The following ZFAT variants were observed in gnomAD, a reference collection of about 807,000 sequenced individuals.
The protein encoded by ZFAT is zinc finger protein ZFAT.
Under a neutral mutation model 117.7 loss-of-function variants are expected in ZFAT, and 64 were observed. That is an observed-to-expected ratio of 0.54 (90% CI 0.44 to 0.67). The LOEUF is 0.67. Among genes scored for constraint, ZFAT ranks in the 30% least tolerant of loss-of-function variants. The probability of loss-of-function intolerance (pLI) is 0.00; values close to 1 mark genes in which losing one functional copy is unlikely to be tolerated. For synonymous variants in ZFAT, 679 were observed against 615.0 expected (o/e 1.10, Z -1.54); for missense variants, 1,433 against 1,584.5 (o/e 0.90, Z 1.62).
At chr8:134,793,291 C>G in the ZFAT span, 37 of 152,298 alleles carry the variant, frequency 2.4e-4, no homozygotes, top group East Asian at 4.8e-3. Context: ...TTTAGCACTA[C>G]TGAGTACAAG....
At chr8:134,804,550 A>AT in the ZFAT span, among the ~76,000 whole-genome samples, 11 of 152,220 alleles carry the variant, frequency 7.2e-5, no homozygotes, top group African/African-American at 1.9e-4. Flanking sequence ...AGTCTCCTGA[A>AT]TTGTTGGGAT....
chr8:134,690,497 C>T (rs1833537156), intron 1 of ZFAT, among the ~76,000 whole-genome samples: 1 of 152,168 alleles, frequency 6.6e-6, no homozygotes, highest in Admixed American at 6.5e-5. Flanking sequence ...CAAATGTCCG[C>T]TTTATGAAAG....
At chr8:134,661,430 G>A (rs1357741822) in intron 1 of ZFAT, among the ~76,000 whole-genome samples, 1 of 152,226 alleles carries the variant, frequency 6.6e-6, no homozygotes, top group African/African-American at 2.4e-5. Flanking sequence ...GAGGCCCCAC[G>A]TGCCTGAGCT....
At chr8:134,753,750 T>C in the ZFAT span, among the ~76,000 whole-genome samples, 6 of 152,208 alleles carry the variant, frequency 3.9e-5, no homozygotes, top group East Asian at 3.8e-4. Flanking sequence ...TATTAAATTA[T>C]AGCTATATAA....
At position 134,602,905 on chromosome 8, in the gene ZFAT, T is replaced by A. The variant is rs975323522; in HGVS notation, c.814A>T (p.Thr272Ser). ...AAGACCTTGTTGCAGTATTCACAAGTGAAGATTTTGAGCTGAGTGGGACCT... is the reference window on the plus strand; with the variant it reads ...AAGACCTTGTTGCAGTATTCACAAGAGAAGATTTTGAGCTGAGTGGGACCT... ...RLGPTQLKIF[T>S]CEYCNKVFKF... The change falls in exon 6 of 16, where the codon ACT becomes TCT. Residue 272 changes from threonine to serine, a missense_variant. Transcript: ENST00000377838. 1 of 1,612,184 alleles carries A rather than the reference T, an allele frequency of 6.2e-7. No homozygotes were observed. Among genetic ancestry groups the A allele is most frequent in the East Asian group, 2.2e-5 (1 of 44,868 alleles).
chr8:134,495,727 C>T (rs1049152711), intron 15 of ZFAT, among the ~76,000 whole-genome samples: 1 of 152,156 alleles, frequency 6.6e-6, no homozygotes, highest in Non-Finnish European at 1.5e-5. Context: ...CCCAGTAGCT[C>T]GAGACCAGCC....
chr8:134,513,476 C>A lies in ZFAT; in HGVS notation c.3235-875G>T, dbSNP rs1339728159. Reference sequence around the variant, plus strand: ...GTGTGAGCCACCACGCTCGGCTGTGCCATTCTTATTCGAACATGAAAGTGT... The same window carrying A: ...GTGTGAGCCACCACGCTCGGCTGTGACATTCTTATTCGAACATGAAAGTGT... On this transcript the variant is annotated intron_variant, in intron 13 of 15. Transcript: ENST00000377838. Among the ~76,000 whole-genome samples, 5 of 152,150 alleles carry A rather than the reference C, an allele frequency of 3.3e-5. No individual in the cohort carries two copies. In the South Asian group the frequency reaches 6.2e-4, roughly 19 times the overall value.
the ZFAT span, among the ~76,000 whole-genome samples, chr8:134,814,277 C>G: frequency 6.6e-6 from 1 of 152,080 alleles, no homozygotes; most frequent in Non-Finnish European, 1.5e-5. Context: ...GTAAAAGGAG[C>G]CAAAATTAAC....
Position 134,544,558 on chromosome 8 carries a change from C to T in ZFAT, c.2977-11586G>A, listed in dbSNP as rs538153904. On this transcript the variant is annotated intron_variant, in intron 11 of 15. Coordinates refer to ENST00000377838, the MANE Select transcript of ZFAT (RefSeq NM_020863.4). ...CTAACATATAACCAAAAATGACCCACACTTAAAAGAGATAAAGAATTCCTG... is the reference window on the plus strand; with the variant it reads ...CTAACATATAACCAAAAATGACCCATACTTAAAAGAGATAAAGAATTCCTG... Among the ~76,000 whole-genome samples, 15 of 151,946 alleles carry T rather than the reference C, an allele frequency of 9.9e-5. No homozygotes were observed. The South Asian group carries it at 3.1e-3, about 32-fold the overall frequency.
At chr8:134,631,710 G>A (rs1829904941) in intron 3 of ZFAT, among the ~76,000 whole-genome samples, 1 of 152,174 alleles carries the variant, frequency 6.6e-6, no homozygotes, top group Admixed American at 6.5e-5. Context: ...CTGCCTCCTG[G>A]TGGTGAGCAC....
rs140652594 is a variant in ZFAT at position 134,647,776 on chromosome 8, A to T, written c.196+9785T>A. Reference sequence around the variant, plus strand: ...CATTTATAATAGCGTCGAAAAAAATACTTAGGCATAAATATAATCAAGGTG... The same window carrying T: ...CATTTATAATAGCGTCGAAAAAAATTCTTAGGCATAAATATAATCAAGGTG... On this transcript the variant is annotated intron_variant, in intron 2 of 15. Coordinates refer to ENST00000377838, the MANE Select transcript of ZFAT (RefSeq NM_020863.4). Among the ~76,000 whole-genome samples, 670 of 152,320 alleles carry T rather than the reference A, an allele frequency of 4.4e-3. 2 individuals carry two copies. The highest frequency in any genetic ancestry group is 7.8e-3 in the Non-Finnish European group (531 of 67,998).
In ZFAT at chr8:134,601,844, C is replaced by T. The variant is rs757516777; in HGVS notation, c.1875G>A (p.Gln625=). The T allele has an allele frequency of 2.7e-5, 44 of 1,612,550 alleles. No individual in the cohort carries two copies. Among genetic ancestry groups the T allele is most frequent in the Non-Finnish European group, 3.6e-5 (43 of 1,178,992 alleles). The part of the protein sequence containing the change: ...PPDMQHRSSV[Q]TQGEVITLLL... ...GTAGTGTGATCACTTCACCTTGCGT[C>T]TGGACTGAGCTTCTGTGCTGCATGT... Residue 625 remains glutamine, a synonymous_variant, in exon 6 of 16, where the codon CAG becomes CAA. Transcript: ENST00000377838.
chr8:134,765,275 C>T, the ZFAT span: 11 of 152,196 alleles, frequency 7.2e-5, no homozygotes, highest in Admixed American at 6.5e-4. Context: ...ATCATCTTGG[C>T]TTCTGGGGTC....
chr8:134,711,917 T>C (rs1470875997), intron 1 of ZFAT, among the ~76,000 whole-genome samples: 1 of 152,188 alleles, frequency 6.6e-6, no homozygotes, highest in African/African-American at 2.4e-5. Context: ...GATGTTTCAG[T>C]AGATGAACTG....
In ZFAT at chr8:134,604,342, C is replaced by T. The variant is rs750474442; in HGVS notation, c.786-1409G>A. Reference sequence around the variant, plus strand: ...ACACGTGCATGCTTATCCTCTCTACCACCTGAAATCACTGACACGCAGCGA... The same window carrying T: ...ACACGTGCATGCTTATCCTCTCTACTACCTGAAATCACTGACACGCAGCGA... On this transcript the variant is annotated intron_variant, in intron 5 of 15. Coordinates refer to ENST00000377838, the MANE Select transcript of ZFAT (RefSeq NM_020863.4). Among the ~76,000 whole-genome samples the T allele has an allele frequency of 3.3e-5, 5 of 152,318 alleles. No homozygotes were observed. The East Asian group carries it at 5.8e-4, about 18-fold the overall frequency.
intron 9 of ZFAT, among the ~76,000 whole-genome samples, chr8:134,584,542 A>G (rs1825930104): frequency 1.3e-5 from 2 of 152,212 alleles, no homozygotes; most frequent in African/African-American, 2.4e-5. Context: ...GTGGAAGCAC[A>G]TTTACTTTGT....
Position 134,638,073 on chromosome 8 carries a change from C to G in ZFAT, c.197-361G>C, listed in dbSNP as rs188721417. Among the ~76,000 whole-genome samples, 13 of 152,288 alleles carry G rather than the reference C, an allele frequency of 8.5e-5. No individual in the cohort carries two copies. In the East Asian group the frequency reaches 2.3e-3, roughly 27 times the overall value. ...TCCACTGAAATCCAGTTCTCAGAAA[C>G]TGCTTAGGGACTCCTTTGCAAAGCG... is the stretch of plus-strand genomic sequence containing the variant. On this transcript the variant is annotated intron_variant, in intron 2 of 15. Transcript: ENST00000377838.
the ZFAT span, among the ~76,000 whole-genome samples, chr8:134,823,624 T>C: frequency 6.6e-6 from 1 of 152,230 alleles, no homozygotes; most frequent in Admixed American, 6.5e-5. Flanking sequence ...CCAGGTTTCA[T>C]TCTACCTTTA....
the ZFAT span, among the ~76,000 whole-genome samples, chr8:134,737,609 T>C: frequency 5.3e-5 from 8 of 152,232 alleles, no homozygotes; most frequent in Non-Finnish European, 1.2e-4. Flanking sequence ...TTTAGGACCT[T>C]ATTGCAGGTA....
Sources: gnomAD v4.1 joint callset for allele counts (sites outside exome capture counted in the v4.1 genomes callset) on GRCh38, gnomAD v4.1.1 for gene constraint, MANE v1.5 for transcripts, NCBI Gene and HGNC (gene_info 2026-07-23, HGNC 2026-07-21) for gene names.